Variants in LIPC observed in about 807,000 individuals in gnomAD.
LIPC encodes the protein hepatic triacylglycerol lipase.
LIPC carries 44 observed loss-of-function variants against 50.7 expected under a neutral mutation model. The observed-to-expected ratio is 0.87, with a 90% confidence interval of 0.68 to 1.11. LIPC has a LOEUF of 1.11. Ranked by LOEUF, LIPC falls within the 50% of genes most tolerant of loss-of-function variation. The probability of loss-of-function intolerance (pLI) is 0.00; values close to 1 mark genes in which losing one functional copy is unlikely to be tolerated. For synonymous variants in LIPC, 271 were observed against 256.4 expected, an observed-to-expected ratio of 1.06 and a Z score of -0.54; for missense variants, 697 against 648.2, an observed-to-expected ratio of 1.08 and a Z score of -0.82.
rs151196497 is a variant in LIPC at position 58,449,034 on chromosome 15, G to A, written c.88+16914G>A. Among the ~76,000 whole-genome samples the A allele has an allele frequency of 4.7e-3, 708 of 152,150 alleles. 7 individuals carry two copies. Among genetic ancestry groups the A allele is most frequent in the African/African-American group, 0.016 (665 of 41,522 alleles). On this transcript the variant is annotated intron_variant, in intron 1 of 8. Coordinates refer to ENST00000299022, the MANE Select transcript of LIPC (RefSeq NM_000236.3). ...ACTTTGGAAGAGGGCTTGGCAGGCC[G>A]GAAAGCGCTAGGTGCACACGACGGG...
Position 58,548,468 on chromosome 15 carries a change from G to T in LIPC, c.947G>T (p.Cys316Phe), listed in dbSNP as rs995976417. 14 of 1,612,742 alleles carry T rather than the reference G, an allele frequency of 8.7e-6. No individual in the cohort carries two copies. The East Asian group carries it at 2.7e-4, about 31-fold the overall frequency. Residue 316 changes from cysteine to phenylalanine, a missense_variant, in exon 6 of 9, where the codon TGC becomes TTC. Physicochemically the swap from Cys to Phe is radical, Grantham distance 205. Coordinates refer to ENST00000299022, the MANE Select transcript of LIPC (RefSeq NM_000236.3). ...NSFSQGLCLS[C>F]KKGRCNTLGY... ...TTCAGCCAGGGCCTGTGCCTGAGCT[G>T]CAAGAAGGGCCGCTGCAACACGCTG...
intron 1 of LIPC, among the ~76,000 whole-genome samples, chr15:58,480,718 A>G (rs1284105608): frequency 6.6e-6 from 1 of 152,292 alleles, no homozygotes; most frequent in East Asian, 1.9e-4. Flanking sequence ...AGATTTTTTC[A>G]TGATTTTCTT....
chr15:58,563,485 A>T lies in LIPC; in HGVS notation c.1170-20A>T, dbSNP rs1894238736. On this transcript the variant is annotated intron_variant, in intron 7 of 8. Coordinates refer to ENST00000299022, the MANE Select transcript of LIPC (RefSeq NM_000236.3). ...GTTACGACTAAACTGATTGTGTCTGATTTTCTTTGTGTATTCAAGGGGCAA... is the reference window on the plus strand; with the variant it reads ...GTTACGACTAAACTGATTGTGTCTGTTTTTCTTTGTGTATTCAAGGGGCAA... 6.3e-7 allele frequency: 1 copy of T among 1,595,226 alleles called. No homozygotes were observed. Among genetic ancestry groups the T allele is most frequent in the Admixed American group, 1.7e-5 (1 of 59,970 alleles).
rs562955063 is a variant in LIPC, at chr15:58,558,631, A to ACATGGTAGAGATCTAGGTTGCATGCTCC, written c.1052-2233_1052-2232insCATGGTAGAGATCTAGGTTGCATGCTCC. Among the ~76,000 whole-genome samples, 18 of 151,804 alleles carry ACATGGTAGAGATCTAGGTTGCATGCTCC rather than the reference A, an allele frequency of 1.2e-4. No homozygotes were observed. In the East Asian group the frequency reaches 3.5e-3, roughly 30 times the overall value. The stretch of plus-strand genomic sequence containing the variant: ...AGCAGCGCAAACCCTATTGTGAACT[A>ACATGGTAGAGATCTAGGTTGCATGCTCC]TTATGAGAATCTAATGCCTGATGAT... On this transcript the variant is annotated intron_variant, in intron 6 of 8. Transcript: ENST00000299022.
At chr15:58,524,197 C>T (rs1314034915) in intron 1 of LIPC, among the ~76,000 whole-genome samples, 1 of 152,146 alleles carries the variant, frequency 6.6e-6, no homozygotes, top group African/African-American at 2.4e-5. Context: ...AAAAGTATCA[C>T]ACTTTAGATA....
intron 1 of LIPC, among the ~76,000 whole-genome samples, chr15:58,448,547 G>A (rs555674825): frequency 1.1e-4 from 17 of 152,340 alleles, no homozygotes; most frequent in East Asian, 3.9e-4. Flanking sequence ...GCCCTGCTGC[G>A]TGGCTGGCTC....
chr15:58,528,136 G>A lies in LIPC; in HGVS notation c.89-10197G>A, dbSNP rs796592774. Among the ~76,000 whole-genome samples the A allele has an allele frequency of 7.7e-4, 37 of 48,180 alleles. 1 individual carries two copies. The highest frequency in any genetic ancestry group is 2.1e-3 in the African/African-American group (34 of 16,020). The allele number at this position is 48,180 out of a possible 152,430, so 31.6% of individuals were successfully genotyped here. ...GCCTGAGTGACAAGAGCAAAACTCT[G>A]TCTCAAAAAAAAAAAAAAAAGAATA... is the stretch of plus-strand genomic sequence containing the variant. On this transcript the variant is annotated intron_variant, in intron 1 of 8. Coordinates refer to ENST00000299022, the MANE Select transcript of LIPC (RefSeq NM_000236.3).
At chr15:58,504,463 C>A (rs1026675078) in intron 1 of LIPC, among the ~76,000 whole-genome samples, 1 of 152,126 alleles carries the variant, frequency 6.6e-6, no homozygotes, top group Non-Finnish European at 1.5e-5. Flanking sequence ...GACGTCAACA[C>A]CCCCCTCTCT....
At chr15:58,529,493 G>A (rs534059177) in intron 1 of LIPC, among the ~76,000 whole-genome samples, 2 of 152,238 alleles carry the variant, frequency 1.3e-5, no homozygotes, top group South Asian at 2.1e-4. Context: ...TTGTTTCGGG[G>A]TATTTTCCAT....
intron 1 of LIPC, among the ~76,000 whole-genome samples, chr15:58,466,060 C>T (rs1032490257): frequency 3.3e-5 from 5 of 152,188 alleles, no homozygotes; most frequent in Admixed American, 1.3e-4. Flanking sequence ...CATCATTATG[C>T]CTGTACTAAA....
At chr15:58,491,190 G>C (rs1891574733) in intron 1 of LIPC, among the ~76,000 whole-genome samples, 2 of 152,172 alleles carry the variant, frequency 1.3e-5, no homozygotes, top group African/African-American at 2.4e-5. Flanking sequence ...GAAAGCTCTA[G>C]AGCTAGACAC....
At chr15:58,561,296 A>T (rs575852624) in intron 7 of LIPC, among the ~76,000 whole-genome samples, 2 of 152,350 alleles carry the variant, frequency 1.3e-5, no homozygotes, top group African/African-American at 4.8e-5. Flanking sequence ...TGGTCCAGAA[A>T]GGCAGGAGAA....
intron 1 of LIPC, among the ~76,000 whole-genome samples, chr15:58,529,638 A>C (rs1892899536): frequency 6.6e-6 from 1 of 152,238 alleles, no homozygotes; most frequent in African/African-American, 2.4e-5. Flanking sequence ...TGTGGCATGG[A>C]ATGTAAGCCC....
At chr15:58,462,462 C>A (rs941767720) in intron 1 of LIPC, among the ~76,000 whole-genome samples, 2 of 152,196 alleles carry the variant, frequency 1.3e-5, no homozygotes, top group East Asian at 3.9e-4. Flanking sequence ...GAGTTGGTAC[C>A]ACTGGTCCAC....
At chr15:58,432,154 G>C in intron 1 of LIPC, 34 bp downstream of exon 1, 1 of 1,465,712 alleles carries the variant, frequency 6.8e-7, no homozygotes, top group Non-Finnish European at 9.6e-7. Flanking sequence ...AGATGGGCAT[G>C]AACTTTTCTT....
At chr15:58,461,482 G>A (rs1159068792) in intron 1 of LIPC, among the ~76,000 whole-genome samples, 2 of 152,158 alleles carry the variant, frequency 1.3e-5, no homozygotes, top group African/African-American at 4.8e-5. Context: ...TTGGCTCACT[G>A]CAACAATTGC....
At chr15:58,452,733 G>C (rs1474467969) in intron 1 of LIPC, among the ~76,000 whole-genome samples, 2 of 138,154 alleles carry the variant, frequency 1.4e-5, no homozygotes, top group Non-Finnish European at 3.2e-5. Flanking sequence ...GGTGGAGTGG[G>C]ATGGGGTGGG....
intron 1 of LIPC, among the ~76,000 whole-genome samples, chr15:58,537,076 C>T (rs1893147038): frequency 6.6e-6 from 1 of 152,236 alleles, no homozygotes; most frequent in Middle Eastern, 3.2e-3. Flanking sequence ...TGCTCCTCAG[C>T]CGCAGGGGAG....
intron 8 of LIPC, chr15:58,566,214 GAAGA>G (rs1894361125): frequency 1.3e-5 from 13 of 985,424 alleles, no homozygotes; most frequent in Non-Finnish European, 1.6e-5. Context: ...GGAAGTGTAA[GAAGA>G]AAGTTCAGAC....
Sources: gnomAD v4.1 joint callset for allele counts (sites outside exome capture counted in the v4.1 genomes callset) on GRCh38, gnomAD v4.1.1 for gene constraint, MANE v1.5 for transcripts, NCBI Gene and HGNC (gene_info 2026-07-23, HGNC 2026-07-21) for gene names.